WRAP73: variants seen among roughly 807,000 people sequenced by gnomAD.
WRAP73 encodes the protein WD repeat-containing protein WRAP73.
WRAP73 carries 55 observed loss-of-function variants against 59.6 expected under a neutral mutation model. That is an observed-to-expected ratio of 0.92 (90% CI 0.74 to 1.15). The LOEUF is 1.15. WRAP73 is among the 50% of genes most tolerant of loss of function. The pLI, the probability that WRAP73 is intolerant of heterozygous loss-of-function variation, is 0.00. For synonymous variants in WRAP73, 265 were observed against 258.2 expected, an observed-to-expected ratio of 1.03 and a Z score of -0.25; for missense variants, 592 against 608.1, an observed-to-expected ratio of 0.97 and a Z score of 0.28.
intron 4 of WRAP73, 127 bp from the exon 5 acceptor site, chr1:3,637,225 T>C (rs2821058): frequency 0.99 from 770,999 of 775,160 alleles, 383,454 homozygotes; most frequent in East Asian, 1. Context: ...AATGGCACAA[T>C]GCCGAGCACT....
chr1:3,640,260 G>A (rs1489906862), intron 3 of WRAP73, among the ~76,000 whole-genome samples: 1 of 152,256 alleles, frequency 6.6e-6, no homozygotes, highest in African/African-American at 2.4e-5. Context: ...AGCTCCACAA[G>A]CTGAGGCCAA....
intron 3 of WRAP73, among the ~76,000 whole-genome samples, chr1:3,640,320 G>C (rs527638982): frequency 1.3e-4 from 20 of 152,394 alleles, no homozygotes; most frequent in African/African-American, 4.8e-4. Flanking sequence ...CCACCAGCGT[G>C]TCTGAGGCTG....
At position 3,646,235 on chromosome 1, in the gene WRAP73, G is replaced by A. The variant is rs935514349; in HGVS notation, c.339+431C>T. Among the ~76,000 whole-genome samples the A allele has an allele frequency of 1.3e-5, 2 of 152,132 alleles. No individual in the cohort carries two copies. Among genetic ancestry groups the A allele is most frequent in the East Asian group, 1.9e-4 (1 of 5,182 alleles). ...GCCCAAAGCACGGGCGGTGGGGCTC[G>A]CAATCTGGATACGCCAAAGAGAAGC... On this transcript the variant is annotated intron_variant, in intron 3 of 11. Coordinates refer to ENST00000270708, the MANE Select transcript of WRAP73 (RefSeq NM_017818.4). The surrounding 1 kb of genome is among the most constrained non-coding windows in gnomAD (Gnocchi z 5.1).
At chr1:3,638,679 T>G in intron 4 of WRAP73, 71 bp downstream of exon 4, 2 of 1,579,080 alleles carry the variant, frequency 1.3e-6, no homozygotes. Context: ...TCTGCCTCTT[T>G]GAAACTTCCC....
chr1:3,646,639 G>C lies in WRAP73; in HGVS notation c.339+27C>G. 6.4e-7 allele frequency: 1 copy of C among 1,566,806 alleles called. No homozygotes were observed. Among genetic ancestry groups the C allele is most frequent in the Admixed American group, 1.8e-5 (1 of 55,514 alleles). ...AGCAGAGGACAGGATCACATGGCCA[G>C]TAAGGTGTCTTGGGGCTGACACTTA... On this transcript the variant is annotated intron_variant, in intron 3 of 11. Coordinates refer to ENST00000270708, the MANE Select transcript of WRAP73 (RefSeq NM_017818.4). The surrounding 1 kb of genome is among the most constrained non-coding windows in gnomAD (Gnocchi z 5.1).
chr1:3,634,719 G>A, intron 8 of WRAP73: 1 of 474,662 alleles, frequency 2.1e-6, no homozygotes, highest in Non-Finnish European at 3.9e-6. Context: ...ACAGGGATCT[G>A]CATCCAGACA....
chr1:3,645,973 T>TA (rs1196118378), intron 3 of WRAP73, among the ~76,000 whole-genome samples: 1 of 152,254 alleles, frequency 6.6e-6, no homozygotes, highest in African/African-American at 2.4e-5. Context: ...GCCGAAATCC[T>TA]AAAAAATCTA....
rs938766790 is a variant in WRAP73, at chr1:3,646,922, G to A, written c.223-140C>T. The stretch of plus-strand genomic sequence containing the variant: ...CATCAGCAGTCTATAGCGAGGCCTC[G>A]CCGAGAGACAACTCCCTTAAAACCA... On this transcript the variant is annotated intron_variant, in intron 2 of 11. Coordinates refer to ENST00000270708, the MANE Select transcript of WRAP73 (RefSeq NM_017818.4). The surrounding 1 kb of genome is among the most constrained non-coding windows in gnomAD (Gnocchi z 5.1). The A allele has an allele frequency of 3.3e-5, 21 of 635,784 alleles. No homozygotes were observed. The highest frequency in any genetic ancestry group is 2.6e-4 in the Middle Eastern group (1 of 3,796). The allele number at this position is 635,784 out of a possible 1,614,324, so 39.4% of individuals were successfully genotyped here.
intron 3 of WRAP73, among the ~76,000 whole-genome samples, chr1:3,643,608 C>A (rs1465301084): frequency 6.8e-6 from 1 of 147,422 alleles, no homozygotes; most frequent in East Asian, 2.2e-4. Flanking sequence ...GGGGACCCAG[C>A]GGCCCCGCTG....
rs768246554 is a variant in WRAP73, at chr1:3,632,329, G to A, written c.932C>T (p.Ala311Val). Residue 311 changes from alanine to valine, a missense_variant, in exon 10 of 12, where the codon GCC becomes GTC. Physicochemically the swap from Ala to Val is moderately conservative, Grantham distance 64. Coordinates refer to ENST00000270708, the MANE Select transcript of WRAP73 (RefSeq NM_017818.4). The stretch of plus-strand genomic sequence containing the variant: ...TGTCTGTAAGGAGACTGGGACAGAG[G>A]CGATCTCATCTAGAACACCAACAGG... ...LPSSESKYEIASVPVSLQTLK... is the reference protein window; with the variant it reads ...LPSSESKYEIVSVPVSLQTLK... 1.1e-4 allele frequency: 180 copies of A among 1,614,024 alleles called. No individual in the cohort carries two copies. Among genetic ancestry groups the A allele is most frequent in the Non-Finnish European group, 1.5e-4 (173 of 1,180,042 alleles).
In WRAP73 at chr1:3,634,512, G is replaced by A. The variant is rs540774252; in HGVS notation, c.816+485C>T. Reference sequence around the variant, plus strand: ...TCACTGGTGCAGCATCTGTGCCTGCGATCCCTCGCTGGTGGCCACTCCCTG... The same window carrying A: ...TCACTGGTGCAGCATCTGTGCCTGCAATCCCTCGCTGGTGGCCACTCCCTG... On this transcript the variant is annotated intron_variant, in intron 8 of 11. Coordinates refer to ENST00000270708, the MANE Select transcript of WRAP73 (RefSeq NM_017818.4). 50 of 185,298 alleles carry A rather than the reference G, an allele frequency of 2.7e-4. 2 individuals carry two copies. In the East Asian group the frequency reaches 6.1e-3, roughly 23 times the overall value. 11.5% of individuals were successfully genotyped at this position (185,298 alleles called of 1,614,324 possible).
rs201461801 is a variant in WRAP73 at position 3,646,840 on chromosome 1, C to A, written c.223-58G>T. The A allele has an allele frequency of 2.8e-5, 41 of 1,481,366 alleles. No homozygotes were observed. The highest frequency in any genetic ancestry group is 2.3e-4 in the Admixed American group (12 of 52,950). 91.8% of individuals were successfully genotyped at this position (1,481,366 alleles called of 1,614,324 possible). A position where few individuals can be genotyped will look rare whatever the true frequency, so the allele number is the denominator to read the frequency against. On this transcript the variant is annotated intron_variant, in intron 2 of 11. Transcript: ENST00000270708. The surrounding 1 kb of genome is among the most constrained non-coding windows in gnomAD (Gnocchi z 5.1). Reference sequence around the variant, plus strand: ...CAAACTCATCAGCACCGAGAGACAGCGAGGACAGCTCGCTTAAACGCAGCG... The same window carrying A: ...CAAACTCATCAGCACCGAGAGACAGAGAGGACAGCTCGCTTAAACGCAGCG...
intron 3 of WRAP73, among the ~76,000 whole-genome samples, chr1:3,641,689 C>T (rs979331326): frequency 2.0e-5 from 3 of 152,226 alleles, no homozygotes; most frequent in Admixed American, 2.0e-4. Flanking sequence ...AAGTGACTCA[C>T]TCAACTGTGC....
At chr1:3,645,996 T>G (rs947795942) in intron 3 of WRAP73, among the ~76,000 whole-genome samples, 2 of 152,266 alleles carry the variant, frequency 1.3e-5, no homozygotes, top group African/African-American at 4.8e-5. Context: ...TTAAGATTTT[T>G]AAAATGTTTT....
At chr1:3,638,282 A>G (rs1174336173) in intron 4 of WRAP73, among the ~76,000 whole-genome samples, 1 of 152,204 alleles carries the variant, frequency 6.6e-6, no homozygotes, top group Non-Finnish European at 1.5e-5. Context: ...GGCTTCCACA[A>G]GGAAGGGACA....
chr1:3,649,991 G>C lies in WRAP73; in HGVS notation c.9C>G (p.Phe3Leu). 1 of 1,597,368 alleles carries C rather than the reference G, an allele frequency of 6.3e-7. No individual in the cohort carries two copies. Among genetic ancestry groups the C allele is most frequent in the Non-Finnish European group, 8.5e-7 (1 of 1,173,764 alleles). Residue 3 changes from phenylalanine (F) to leucine (L), a missense_variant, in exon 1 of 12, where the codon TTC becomes TTG. Physicochemically the swap from Phe to Leu is conservative, Grantham distance 22. Coordinates refer to ENST00000270708, the MANE Select transcript of WRAP73 (RefSeq NM_017818.4). Reference protein sequence around the residue: MNFSEVFKLSSLL... With the variant: MNLSEVFKLSSLL... ...AGCTGGAGAGCTTGAATACCTCGGAGAAGTTCATGGCCGCCGCCTGCCGCG... is the reference window on the plus strand; with the variant it reads ...AGCTGGAGAGCTTGAATACCTCGGACAAGTTCATGGCCGCCGCCTGCCGCG...
At chr1:3,641,542 G>A (rs1644645911) in intron 3 of WRAP73, among the ~76,000 whole-genome samples, 1 of 152,222 alleles carries the variant, frequency 6.6e-6, no homozygotes, top group Admixed American at 6.5e-5. Context: ...GGGATTCCGA[G>A]TAGGCAGTGC....
rs1052228703 is a variant in WRAP73, at chr1:3,647,532, A to G, written c.98T>C (p.Val33Ala). ...LASCVQYRLV[V>A]RDVNTLQILQ... ...GATCTGAAGGGTGTTCACATCCCGG[A>G]CCACTAACCGGTACTGGACACAGGA... The change falls in exon 2 of 12, where the codon GTC becomes GCC. Residue 33 changes from valine (V) to alanine (A), a missense_variant. Physicochemically the swap from Val to Ala is moderately conservative, Grantham distance 64. Transcript: ENST00000270708. 6.2e-7 allele frequency: 1 copy of G among 1,613,890 alleles called. No homozygotes were observed. The highest frequency in any genetic ancestry group is 8.5e-7 in the Non-Finnish European group (1 of 1,179,902).
Position 3,647,500 on chromosome 1 carries a change from G to C in WRAP73, c.130C>G (p.Leu44Val). The change falls in exon 2 of 12, where the codon CTG becomes GTG. Residue 44 changes from leucine (L) to valine (V), a missense_variant. Coordinates refer to ENST00000270708, the MANE Select transcript of WRAP73 (RefSeq NM_017818.4). ...RDVNTLQILQ[L>V]YTCLDQIQHI... ...TGGATCTGGTCTAGGCACGTGTACAGCTGAAGGATCTGAAGGGTGTTCACA... is the reference window on the plus strand; with the variant it reads ...TGGATCTGGTCTAGGCACGTGTACACCTGAAGGATCTGAAGGGTGTTCACA... 1.2e-6 allele frequency: 2 copies of C among 1,613,990 alleles called. No individual in the cohort carries two copies. The highest frequency in any genetic ancestry group is 1.7e-6 in the Non-Finnish European group (2 of 1,179,936).
Sources: allele counts gnomAD v4.1 joint callset (sites outside exome capture counted in the v4.1 genomes callset), GRCh38; gene constraint gnomAD v4.1.1; non-coding constraint Gnocchi (gnomAD v3.1); transcripts MANE v1.5; gene names NCBI Gene and HGNC (gene_info 2026-07-23, HGNC 2026-07-21).